Variants in RGMB observed in about 807,000 individuals in gnomAD.
The protein encoded by RGMB is repulsive guidance molecule B.
A neutral mutation model predicts 26.9 loss-of-function variants in RGMB; 16 were observed. That is an observed-to-expected ratio of 0.60 (90% CI 0.40 to 0.90). RGMB has a LOEUF of 0.90. Among genes scored for constraint, RGMB ranks in the 40% least tolerant of loss-of-function variants. The pLI is 0.00. For synonymous variants in RGMB, 225 were observed against 229.3 expected (o/e 0.98, Z 0.17); for missense variants, 512 against 573.3 (o/e 0.89, Z 1.09).
At chr5:98,770,641 G>A, upstream of RGMB, 4 of 1,435,638 alleles carry the variant, frequency 2.8e-6, no homozygotes, top group South Asian at 1.6e-5. Flanking sequence ...ATCCCGCTGA[G>A]CCCCCTCCAG....
intron 2 of RGMB, among the ~76,000 whole-genome samples, chr5:98,787,291 C>G (rs1392369688): frequency 6.6e-6 from 1 of 152,126 alleles, no homozygotes; most frequent in Non-Finnish European, 1.5e-5. Flanking sequence ...TTGCTCACCT[C>G]CCAAAGCTGA....
intron 2 of RGMB, among the ~76,000 whole-genome samples, chr5:98,785,986 G>A (rs1347683895): frequency 7.2e-5 from 11 of 152,224 alleles, no homozygotes; most frequent in Non-Finnish European, 1.6e-4. Flanking sequence ...CCAAGTGGAT[G>A]TGGGGAAAGG....
At chr5:98,786,709 C>G (rs1004211376) in intron 2 of RGMB, among the ~76,000 whole-genome samples, 4 of 152,176 alleles carry the variant, frequency 2.6e-5, no homozygotes, top group Non-Finnish European at 5.9e-5. Context: ...AAGGACTTTT[C>G]ATACTGACAA....
intron 2 of RGMB, chr5:98,780,893 T>C (rs1255797248): frequency 3.3e-5 from 5 of 152,228 alleles, no homozygotes; most frequent in African/African-American, 1.2e-4. Context: ...TGGCAGTCAG[T>C]GCTAATTCAG....
At chr5:98,788,568 CGA>C (rs1050267784) in intron 2 of RGMB, among the ~76,000 whole-genome samples, 2 of 152,136 alleles carry the variant, frequency 1.3e-5, no homozygotes, top group African/African-American at 4.8e-5. Flanking sequence ...TTTCCCCCCT[CGA>C]GAGAGAGACA....
upstream of RGMB, chr5:98,773,255 G>A (rs2112331256): frequency 6.6e-6 from 1 of 152,266 alleles, no homozygotes; most frequent in Non-Finnish European, 1.5e-5. Flanking sequence ...AAAAAACTTG[G>A]AGGGAAGATG....
At position 98,796,490 on chromosome 5, in the gene RGMB, T is replaced by C. The variant is rs1436610719; in HGVS notation, c.*2737T>C. ...AAAAATAAAGTTACATACCTTGCTG[T>C]GGAATGTCTGTTCTGTGATTATAGG... is the stretch of plus-strand genomic sequence containing the variant. On this transcript the variant is annotated 3_prime_UTR_variant, in exon 3 of 3. Coordinates refer to ENST00000513185, the MANE Select transcript of RGMB (RefSeq NM_001366508.1). 3 of 152,104 alleles carry C rather than the reference T, an allele frequency of 2.0e-5. No individual in the cohort carries two copies. The highest frequency in any genetic ancestry group is 3.2e-3 in the Middle Eastern group (1 of 316). 9.4% of individuals were successfully genotyped at this position (152,104 alleles called of 1,614,324 possible).
At chr5:98,780,439 C>A in intron 2 of RGMB, 1 of 176,730 alleles carries the variant, frequency 5.7e-6, no homozygotes, top group Non-Finnish European at 1.2e-5. Flanking sequence ...AATCCATGTT[C>A]AGATTTATCA....
chr5:98,788,274 G>C (rs1469965172), intron 2 of RGMB, among the ~76,000 whole-genome samples: 2 of 152,128 alleles, frequency 1.3e-5, no homozygotes, highest in Non-Finnish European at 2.9e-5. Context: ...CAATAAAATT[G>C]TTTAACAAAA....
At position 98,795,678 on chromosome 5, in the gene RGMB, T is replaced by G. The variant is rs748186986; in HGVS notation, c.*1925T>G. On this transcript the variant is annotated 3_prime_UTR_variant, in exon 3 of 3. Transcript: ENST00000513185. Reference sequence around the variant, plus strand: ...CTGACCATCAGCTCTGAACTGTGGCTTTTTTTGTTCACCTATGATGCCATG... The same window carrying G: ...CTGACCATCAGCTCTGAACTGTGGCGTTTTTTGTTCACCTATGATGCCATG... The G allele has an allele frequency of 1.3e-5, 2 of 152,198 alleles. No individual in the cohort carries two copies. Among genetic ancestry groups the G allele is most frequent in the Non-Finnish European group, 2.9e-5 (2 of 68,032 alleles). 9.4% of individuals were successfully genotyped at this position (152,198 alleles called of 1,614,324 possible).
rs1746802358 is a variant in RGMB at position 98,787,586 on chromosome 5, T to C, written c.646-5499T>C. The stretch of plus-strand genomic sequence containing the variant: ...AGGCCTGCCTTCATATCTGGGCATA[T>C]AGTGAGTTCCTACACTTGCTGGCCT... On this transcript the variant is annotated intron_variant, in intron 2 of 2. Coordinates refer to ENST00000513185, the MANE Select transcript of RGMB (RefSeq NM_001366508.1). Among the ~76,000 whole-genome samples, 6 of 152,232 alleles carry C rather than the reference T, an allele frequency of 3.9e-5. No homozygotes were observed. In the South Asian group the frequency reaches 1.2e-3, roughly 31 times the overall value.
chr5:98,784,507 CT>C (rs1746711022), intron 2 of RGMB, among the ~76,000 whole-genome samples: 1 of 152,220 alleles, frequency 6.6e-6, no homozygotes, highest in Non-Finnish European at 1.5e-5. Flanking sequence ...GGTCTGCTTT[CT>C]GGTGCCCCTT....
chr5:98,779,511 G>C lies in RGMB; in HGVS notation c.137-69G>C, dbSNP rs1057058322. 4 of 1,405,040 alleles carry C rather than the reference G, an allele frequency of 2.8e-6. No homozygotes were observed. The African/African-American group carries it at 5.7e-5, about 20-fold the overall frequency. The allele number at this position is 1,405,040 out of a possible 1,614,324, so 87.0% of individuals were successfully genotyped here. ...ACAAACAATTCCCAAAGAACAATGT[G>C]ATTTTCTCATGTAGCTCAGGAAGTT... On this transcript the variant is annotated intron_variant, in intron 1 of 2. Transcript: ENST00000513185.
chr5:98,780,361 T>C (rs183015524), intron 2 of RGMB: 2 of 356,336 alleles, frequency 5.6e-6, no homozygotes, highest in Non-Finnish European at 1.0e-5. Flanking sequence ...CAGACCTGTT[T>C]AGTAAAAAAA....
chr5:98,786,406 G>C (rs982828476), intron 2 of RGMB, among the ~76,000 whole-genome samples: 2 of 152,218 alleles, frequency 1.3e-5, no homozygotes, highest in African/African-American at 4.8e-5. Flanking sequence ...CTGAGAGTTA[G>C]AACTTGTTTT....
chr5:98,773,321 G>A (rs1436476473), upstream of RGMB: 2 of 152,244 alleles, frequency 1.3e-5, no homozygotes, highest in African/African-American at 4.8e-5. Context: ...TGTAACGCCG[G>A]CGAGAGTAAG....
rs1322035762 is a variant in RGMB at position 98,795,723 on chromosome 5, C to A, written c.*1970C>A. ...GCCATGTACCAAATTCAGAAGCTAT[C>A]GTTAATAATTTGTTTTATAATTGAG... On this transcript the variant is annotated 3_prime_UTR_variant, in exon 3 of 3. Coordinates refer to ENST00000513185, the MANE Select transcript of RGMB (RefSeq NM_001366508.1). 2.6e-5 allele frequency: 4 copies of A among 151,988 alleles called. No individual in the cohort carries two copies. The highest frequency in any genetic ancestry group is 4.4e-5 in the Non-Finnish European group (3 of 67,996). The allele number at this position is 151,988 out of a possible 1,614,324, so 9.4% of individuals were successfully genotyped here.
chr5:98,793,476 G>C lies in RGMB; in HGVS notation c.1037G>C (p.Trp346Ser), dbSNP rs755139009. 6.2e-7 allele frequency: 1 copy of C among 1,613,342 alleles called. No homozygotes were observed. Among genetic ancestry groups the C allele is most frequent in the South Asian group, 1.1e-5 (1 of 90,940 alleles). Residue 346 changes from tryptophan (W) to serine (S), a missense_variant, in exon 3 of 3, where the codon TGG (tryptophan) becomes TCG (serine). Trp to Ser is a radical substitution (Grantham distance 177). Coordinates refer to ENST00000513185, the MANE Select transcript of RGMB (RefSeq NM_001366508.1). ...SLPRTSLVQA[W>S]PGYTLETANT... ...CCTCGCACCTCCTTGGTGCAGGCCT[G>C]GCCTGGCTACACACTGGAGACTGCC...
chr5:98,773,255 G>GA (rs1319153070), upstream of RGMB: 1 of 152,148 alleles, frequency 6.6e-6, no homozygotes, highest in East Asian at 1.9e-4. Context: ...AAAAAACTTG[G>GA]AGGGAAGATG....
Sources: allele counts gnomAD v4.1 joint callset (sites outside exome capture counted in the v4.1 genomes callset), GRCh38; gene constraint gnomAD v4.1.1; transcripts MANE v1.5; gene names NCBI Gene and HGNC (gene_info 2026-07-23, HGNC 2026-07-21).